Variants in KCMF1 observed in about 807,000 individuals in gnomAD.
KCMF1 encodes E3 ubiquitin-protein ligase KCMF1.
KCMF1 carries 3 observed loss-of-function variants against 41.1 expected under a neutral mutation model. That is an observed-to-expected ratio of 0.07 (90% CI 0.03 to 0.19). KCMF1 has a LOEUF of 0.19. Ranked by LOEUF, KCMF1 falls within the 10% of genes least tolerant of loss-of-function variation. The probability of loss-of-function intolerance (pLI) is 1.00; values close to 1 mark genes in which losing one functional copy is unlikely to be tolerated. For missense variants in KCMF1, 286 were observed against 488.9 expected (o/e 0.58, Z 3.91); for synonymous variants, 142 against 164.5 (o/e 0.86, Z 1.04).
chr2:84,991,322 A>C (rs747925980), intron 1 of KCMF1, among the ~76,000 whole-genome samples: 2 of 152,174 alleles, frequency 1.3e-5, no homozygotes, highest in Admixed American at 6.5e-5. Flanking sequence ...TAAATTAGGG[A>C]TGTCTATTAG....
chr2:84,972,596 G>A (rs1441792614), intron 1 of KCMF1, among the ~76,000 whole-genome samples: 1 of 152,200 alleles, frequency 6.6e-6, no homozygotes, highest in East Asian at 1.9e-4. Context: ...ATCCTGTATA[G>A]GTGATGTAGG....
chr2:84,981,151 A>T (rs1213172639), intron 1 of KCMF1, among the ~76,000 whole-genome samples: 1 of 151,588 alleles, frequency 6.6e-6, no homozygotes, highest in African/African-American at 2.4e-5. Context: ...AAGCATCTTG[A>T]TATCATGACT....
intron 1 of KCMF1, among the ~76,000 whole-genome samples, chr2:85,012,913 A>G (rs1674684062): frequency 6.6e-6 from 1 of 152,192 alleles, no homozygotes; most frequent in Admixed American, 6.5e-5. Flanking sequence ...GACTTAGTTC[A>G]TGTTTGTGGT....
intron 3 of KCMF1, among the ~76,000 whole-genome samples, chr2:85,039,969 C>G (rs1035986596): frequency 3.4e-4 from 52 of 152,038 alleles, no homozygotes; most frequent in Admixed American, 1.8e-3. Flanking sequence ...TGTGCCACCA[C>G]GCCTGGCTAA....
At chr2:84,979,338 C>T (rs141180039) in intron 1 of KCMF1, among the ~76,000 whole-genome samples, 2,350 of 152,112 alleles carry the variant, frequency 0.015, 72 homozygotes, top group African/African-American at 0.054. Context: ...GCCTGGCCAA[C>T]ATAGTGAAAC....
chr2:84,982,645 T>G (rs570732527), intron 1 of KCMF1, among the ~76,000 whole-genome samples: 3 of 152,136 alleles, frequency 2.0e-5, no homozygotes, highest in South Asian at 4.1e-4. Context: ...GTGATCTACC[T>G]GCCTTCGCCA....
chr2:85,046,026 C>T (rs3769765), intron 4 of KCMF1, 78 bp from the exon 5 acceptor site: 113,423 of 1,158,522 alleles, frequency 0.098, 8,877 homozygotes, highest in East Asian at 0.33. Flanking sequence ...GAAATCTTTA[C>T]ATCTGTCTAG....
intron 4 of KCMF1, among the ~76,000 whole-genome samples, chr2:85,044,375 C>A (rs1675613305): frequency 6.6e-6 from 1 of 151,628 alleles, no homozygotes; most frequent in African/African-American, 2.4e-5. Context: ...CTTTTCTTTT[C>A]TTTTCTTTTT....
chr2:85,035,276 T>G (rs1675381227), intron 3 of KCMF1, 121 bp downstream of exon 3: 1 of 913,776 alleles, frequency 1.1e-6, no homozygotes, highest in South Asian at 2.1e-5. Context: ...GTTTGCATAG[T>G]TATTAAAATC....
chr2:85,051,387 G>C (rs1222920850), intron 6 of KCMF1, among the ~76,000 whole-genome samples: 2 of 151,766 alleles, frequency 1.3e-5, no homozygotes, highest in African/African-American at 4.8e-5. Flanking sequence ...TGTCTTGCCA[G>C]TGCCCTTTGG....
At chr2:85,042,390 A>T (rs896316772) in intron 3 of KCMF1, among the ~76,000 whole-genome samples, 1 of 152,078 alleles carries the variant, frequency 6.6e-6, no homozygotes, top group Non-Finnish European at 1.5e-5. Flanking sequence ...TGTCCTTCCA[A>T]GTCTCACCTT....
rs1673825860 is a variant in KCMF1 at position 84,983,781 on chromosome 2, G to T, written c.16+12314G>T. ...CCACCTTGGCCTCCCAAAGTGTTGGGATTACAGGCGTGAGCCACTGCGTCC... is the reference window on the plus strand; with the variant it reads ...CCACCTTGGCCTCCCAAAGTGTTGGTATTACAGGCGTGAGCCACTGCGTCC... On this transcript the variant is annotated intron_variant, in intron 1 of 6. Coordinates refer to ENST00000409785, the MANE Select transcript of KCMF1 (RefSeq NM_020122.5). Among the ~76,000 whole-genome samples, 4 of 152,082 alleles carry T rather than the reference G, an allele frequency of 2.6e-5. No homozygotes were observed. The South Asian group carries it at 8.3e-4, about 31-fold the overall frequency.
rs184924295 is a variant in KCMF1, at chr2:85,041,205, G to A, written c.325-2359G>A. On this transcript the variant is annotated intron_variant, in intron 3 of 6. Transcript: ENST00000409785. Reference sequence around the variant, plus strand: ...GGTTTTATATTATTTCTCTTTGAATGAAGCAGTTCTGAATACCTTCATCCT... The same window carrying A: ...GGTTTTATATTATTTCTCTTTGAATAAAGCAGTTCTGAATACCTTCATCCT... Among the ~76,000 whole-genome samples, 14 of 152,258 alleles carry A rather than the reference G, an allele frequency of 9.2e-5. No homozygotes were observed. In the East Asian group the frequency reaches 2.7e-3, roughly 29 times the overall value.
Position 85,053,282 on chromosome 2 carries a change from A to T in KCMF1, c.1019A>T (p.Asp340Val). 1.2e-6 allele frequency: 2 copies of T among 1,613,978 alleles called. No individual in the cohort carries two copies. Among genetic ancestry groups the T allele is most frequent in the Non-Finnish European group, 1.7e-6 (2 of 1,179,884 alleles). The change falls in exon 7 of 7, where the codon GAT becomes GTT. Residue 340 changes from aspartate (D) to valine (V), a missense_variant. By Grantham distance (152) the Asp-to-Val change is radical (BLOSUM62 -3). Transcript: ENST00000409785. ...GAGAGCTCATCCTCAGATGAGGATG[A>T]TCGGGGGGAGATGGCAGATTTTGGT... ...REESSSSDEDDRGEMADFGAM... is the reference protein window; with the variant it reads ...REESSSSDEDVRGEMADFGAM...
At chr2:85,009,482 G>A (rs1216213087) in intron 1 of KCMF1, among the ~76,000 whole-genome samples, 2 of 152,176 alleles carry the variant, frequency 1.3e-5, no homozygotes, top group Non-Finnish European at 2.9e-5. Flanking sequence ...CAGTGAGGTC[G>A]TGCTGTACAG....
At position 85,033,137 on chromosome 2, in the gene KCMF1, C is replaced by T. The variant is rs928814708; in HGVS notation, c.185-1879C>T. Among the ~76,000 whole-genome samples the T allele has an allele frequency of 2.6e-4, 39 of 152,174 alleles. 1 individual carries two copies. Among genetic ancestry groups the T allele is most frequent in the African/African-American group, 8.7e-4 (36 of 41,510 alleles). ...AAATTCACCTAACAAGTCTTGTGCA[C>T]CTAATAAATGGTCAATATATACATA... On this transcript the variant is annotated intron_variant, in intron 2 of 6. Coordinates refer to ENST00000409785, the MANE Select transcript of KCMF1 (RefSeq NM_020122.5).
At chr2:84,994,355 G>A (rs1674123135) in intron 1 of KCMF1, among the ~76,000 whole-genome samples, 1 of 152,096 alleles carries the variant, frequency 6.6e-6, no homozygotes, top group South Asian at 2.1e-4. Flanking sequence ...ACACACTTGT[G>A]TGTGTATATG....
chr2:85,012,045 C>T (rs936179126), intron 1 of KCMF1, among the ~76,000 whole-genome samples: 1 of 152,178 alleles, frequency 6.6e-6, no homozygotes, highest in African/African-American at 2.4e-5. Flanking sequence ...AACTAACCAT[C>T]GACCAACTTT....
At chr2:85,018,372 C>T (rs996270317) in intron 1 of KCMF1, among the ~76,000 whole-genome samples, 1 of 150,116 alleles carries the variant, frequency 6.7e-6, no homozygotes, top group East Asian at 2.0e-4. Flanking sequence ...CAGGTTCAAG[C>T]GATTCTCTTT....
Sources: allele counts gnomAD v4.1 joint callset (sites outside exome capture counted in the v4.1 genomes callset), GRCh38; gene constraint gnomAD v4.1.1; transcripts MANE v1.5; gene names NCBI Gene and HGNC (gene_info 2026-07-23, HGNC 2026-07-21).